The following RAPGEF6 variants were observed in gnomAD, a reference collection of about 807,000 sequenced individuals.
RAPGEF6 encodes Rap guanine nucleotide exchange factor 6.
RAPGEF6 carries 56 observed loss-of-function variants against 171.4 expected under a neutral mutation model. The ratio of observed to expected loss-of-function variants is 0.33; its 90% confidence interval spans 0.26 to 0.41. The LOEUF is 0.41. RAPGEF6 is among the 10% of genes least tolerant of loss of function. The pLI is 1.00. For missense variants in RAPGEF6, 1,674 were observed against 1,921.4 expected (o/e 0.87, Z 2.41); for synonymous variants, 692 against 650.1 (o/e 1.06, Z -0.98).
intron 17 of RAPGEF6, among the ~76,000 whole-genome samples, chr5:131,466,465 C>T (rs1027361179): frequency 1.3e-5 from 2 of 152,184 alleles, no homozygotes; most frequent in East Asian, 3.8e-4. Context: ...GTGTCCCCAA[C>T]CAAATCTCAT....
intron 14 of RAPGEF6, among the ~76,000 whole-genome samples, chr5:131,490,714 G>A (rs1324110624): frequency 6.6e-6 from 1 of 152,098 alleles, no homozygotes; most frequent in Non-Finnish European, 1.5e-5. Flanking sequence ...CTTCAGGAAG[G>A]CAAGAACATA....
intron 4 of RAPGEF6, among the ~76,000 whole-genome samples, chr5:131,568,768 T>C (rs1762099712): frequency 6.6e-6 from 1 of 152,136 alleles, no homozygotes; most frequent in Non-Finnish European, 1.5e-5. Context: ...ATTAAAGGCA[T>C]ACAGACTGGA....
chr5:131,455,851 A>C lies in RAPGEF6; in HGVS notation c.3026T>G (p.Ile1009Ser). Residue 1009 changes from isoleucine (I) to serine (S), a missense_variant, in exon 20 of 28, where the codon ATT becomes AGT. Ile to Ser is a moderately radical substitution (Grantham distance 142, BLOSUM62 -2). This residue lies in a region of RAPGEF6 where 1,116 missense variants were observed against 1,321.5 expected (regional missense o/e 0.84). Coordinates refer to ENST00000509018, the MANE Select transcript of RAPGEF6 (RefSeq NM_016340.6). Reference protein sequence around the residue: ...ILSSQSMQPPIIPLFPVVKKD... With the variant: ...ILSSQSMQPPSIPLFPVVKKD... ...CTTGACAACAGGGAAGAGTGGAATA[A>C]TTGGAGGCTGCATACTTTGACTACT... The C allele has an allele frequency of 6.2e-7, 1 of 1,613,896 alleles. No homozygotes were observed. The highest frequency in any genetic ancestry group is 8.5e-7 in the Non-Finnish European group (1 of 1,179,816).
chr5:131,445,654 C>A (rs1752644456), intron 22 of RAPGEF6, among the ~76,000 whole-genome samples: 2 of 152,078 alleles, frequency 1.3e-5, no homozygotes, highest in Admixed American at 1.3e-4. Context: ...ATGGTCCTAG[C>A]TCACTGCAGC....
chr5:131,475,884 T>C (rs1024758882), intron 16 of RAPGEF6, among the ~76,000 whole-genome samples: 1 of 152,256 alleles, frequency 6.6e-6, no homozygotes. Context: ...AACTGAGTGC[T>C]GCTAAAGGCA....
chr5:131,446,701 G>T lies in RAPGEF6; in HGVS notation c.3203C>A (p.Ser1068Ter). The change falls in exon 22 of 28, where the codon TCA becomes TAA. Residue 1068 changes from serine (S) to a stop codon, truncating the protein, a stop_gained and splice_region_variant. Coordinates refer to ENST00000509018, the MANE Select transcript of RAPGEF6 (RefSeq NM_016340.6). LOFTEE classifies it high-confidence loss of function. The stretch of plus-strand genomic sequence containing the variant: ...TGAATTTGTGCTTCCTTGACTCAGT[G>T]ACCTATAAGAAGATGAAAATCACAA... ...MDPAMMFRQR[S>*]LSQGSTNSNM... 1 of 1,612,486 alleles carries T rather than the reference G, an allele frequency of 6.2e-7. No homozygotes were observed. Among genetic ancestry groups the T allele is most frequent in the South Asian group, 1.1e-5 (1 of 90,968 alleles).
intron 1 of RAPGEF6, among the ~76,000 whole-genome samples, chr5:131,618,494 C>T (rs1484570118): frequency 2.6e-5 from 4 of 151,810 alleles, no homozygotes; most frequent in African/African-American, 4.8e-5. Context: ...AAAAATTAGC[C>T]GGGTGTGATG....
intron 1 of RAPGEF6, among the ~76,000 whole-genome samples, chr5:131,612,962 T>A (rs72787095): frequency 6.6e-6 from 1 of 152,236 alleles, no homozygotes; most frequent in South Asian, 2.1e-4. Flanking sequence ...AAAGAGAGAC[T>A]AATAAGGTTT....
rs954651352 is a variant in RAPGEF6 at position 131,508,159 on chromosome 5, G to C, written c.854C>G (p.Thr285Ser). The change falls in exon 9 of 28, where the codon ACC becomes AGC. Residue 285 changes from threonine (T) to serine (S), a missense_variant. Thr to Ser is a moderately conservative substitution (Grantham distance 58). Transcript: ENST00000509018. ...GCAGAGTTCTCTCCTTACAGACATG[G>C]TCATGTTTGCAAATGCAGGGAGCTG... The part of the protein sequence containing the change: ...MHQLPAFANM[T>S]MSVRRELCSV... 2 of 1,612,916 alleles carry C rather than the reference G, an allele frequency of 1.2e-6. No homozygotes were observed. Among genetic ancestry groups the C allele is most frequent in the African/African-American group, 2.7e-5 (2 of 74,836 alleles).
chr5:131,470,867 T>C (rs1182938444), intron 17 of RAPGEF6, among the ~76,000 whole-genome samples: 1 of 152,182 alleles, frequency 6.6e-6, no homozygotes, highest in South Asian at 2.1e-4. Flanking sequence ...AAGGGCATTC[T>C]GAAAGTTCAT....
rs761851968 is a variant in RAPGEF6 at position 131,431,367 on chromosome 5, G to A, written c.3975-18C>T. 116 of 1,568,992 alleles carry A rather than the reference G, an allele frequency of 7.4e-5. No individual in the cohort carries two copies. Among genetic ancestry groups the A allele is most frequent in the Admixed American group, 5.6e-5 (3 of 53,976 alleles). On this transcript the variant is annotated intron_variant, in intron 25 of 27. Transcript: ENST00000509018. ...GTGTCCACCTAAAATTGGAGATAAC[G>A]TACAATTAGAAGGCTTGCCAGAAAA...
intron 23 of RAPGEF6, 100 bp from the exon 24 acceptor site, chr5:131,439,815 C>T: frequency 6.7e-7 from 1 of 1,485,842 alleles, no homozygotes; most frequent in Non-Finnish European, 9.0e-7. Context: ...TGCACAATGG[C>T]TAGTGTAGTC....
intron 24 of RAPGEF6, among the ~76,000 whole-genome samples, chr5:131,438,243 G>A (rs1336498709): frequency 6.6e-6 from 1 of 152,174 alleles, no homozygotes; most frequent in Non-Finnish European, 1.5e-5. Context: ...GCCTGCTTTG[G>A]CCTAGATGGT....
At chr5:131,528,307 T>TATA (rs1473617406) in intron 6 of RAPGEF6, among the ~76,000 whole-genome samples, 1 of 32,760 alleles carries the variant, frequency 3.1e-5, no homozygotes, top group African/African-American at 1.2e-4. Flanking sequence ...AAATAATATA[T>TATA]TTATATTATA....
intron 6 of RAPGEF6, among the ~76,000 whole-genome samples, chr5:131,539,122 A>T (rs1580992790): frequency 6.6e-6 from 1 of 152,212 alleles, no homozygotes; most frequent in Non-Finnish European, 1.5e-5. Context: ...CAAACTTCTC[A>T]GTAGTAGTGT....
chr5:131,516,315 C>T (rs1758082086), intron 7 of RAPGEF6, among the ~76,000 whole-genome samples: 1 of 151,898 alleles, frequency 6.6e-6, no homozygotes, highest in South Asian at 2.1e-4. Context: ...AACTCCTGAC[C>T]TCAAGTGATC....
chr5:131,554,613 G>A (rs951943114), intron 5 of RAPGEF6, among the ~76,000 whole-genome samples: 8 of 152,088 alleles, frequency 5.3e-5, no homozygotes, highest in Non-Finnish European at 1.0e-4. Context: ...TCCACCTCCC[G>A]GGTTCAAGTG....
chr5:131,585,899 A>C (rs925190209), intron 4 of RAPGEF6, among the ~76,000 whole-genome samples: 1 of 152,150 alleles, frequency 6.6e-6, no homozygotes, highest in Non-Finnish European at 1.5e-5. Flanking sequence ...CTCTGTTTCA[A>C]GTAGTCCTGC....
Position 131,585,215 on chromosome 5 carries a change from A to G in RAPGEF6, c.281+7168T>C, listed in dbSNP as rs182328523. 4.6e-5 allele frequency among the ~76,000 whole-genome samples: 7 copies of G among 152,054 alleles called. No homozygotes were observed. In the East Asian group the frequency reaches 1.4e-3, roughly 29 times the overall value. ...AACATTATACCATACCCAAAACTCA[A>G]TTCCAGGTAGACTACAGATTTAACT... On this transcript the variant is annotated intron_variant, in intron 4 of 27. Transcript: ENST00000509018.
Sources: gnomAD v4.1 joint callset for allele counts (sites outside exome capture counted in the v4.1 genomes callset) on GRCh38, gnomAD v4.1.1 for gene constraint, gnomAD v4.1.1 regional missense constraint, MANE v1.5 for transcripts, NCBI Gene and HGNC (gene_info 2026-07-23, HGNC 2026-07-21) for gene names.